Variants in PSPC1 observed in about 807,000 individuals in gnomAD.
The protein encoded by PSPC1 is paraspeckle component 1.
In PSPC1, 14 loss-of-function variants were observed where a neutral mutation model predicts 51.6. The observed-to-expected ratio is 0.27, with a 90% CI of 0.18 to 0.42. PSPC1 has a LOEUF of 0.42. PSPC1 is among the 10% of genes least tolerant of loss of function. PSPC1 has a pLI of 1.00. For synonymous variants in PSPC1, 193 were observed against 231.9 expected (o/e 0.83, Z 1.53); for missense variants, 406 against 701.1 (o/e 0.58, Z 4.75).
At chr13:19,689,014 G>A (rs1878258375) in intron 6 of PSPC1, among the ~76,000 whole-genome samples, 1 of 150,204 alleles carries the variant, frequency 6.7e-6, no homozygotes, top group Non-Finnish European at 1.5e-5. Flanking sequence ...TAGCACCCAG[G>A]CTATTTTATG....
intron 2 of PSPC1, among the ~76,000 whole-genome samples, chr13:19,764,503 A>G (rs4769903): frequency 0.8 from 121,685 of 151,718 alleles, 50,124 homozygotes; most frequent in East Asian, 0.96. Context: ...AAACAAGGTA[A>G]AATATACAGT....
downstream of PSPC1, among the ~76,000 whole-genome samples, chr13:19,698,864 T>G (rs762779651): frequency 2.6e-5 from 4 of 151,900 alleles, no homozygotes; most frequent in Non-Finnish European, 5.9e-5. Flanking sequence ...TTCAGTATCT[T>G]CAATCTGGAA....
rs1286402976 is a variant in PSPC1, at chr13:19,749,936, ATT to A, written c.967+1333_967+1334del. ...TAGTTTCTATGGTTTGCTGGGCTCG[ATT>A]TTGTTTTAACGTATGTGGCATCAGC... On this transcript the variant is annotated intron_variant, in intron 4 of 8. Transcript: ENST00000338910. Among the ~76,000 whole-genome samples, 4 of 152,192 alleles carry A rather than the reference ATT, an allele frequency of 2.6e-5. No individual in the cohort carries two copies. The East Asian group carries it at 7.7e-4, about 29-fold the overall frequency.
chr13:19,708,260 T>C (rs559527251), intron 7 of PSPC1, among the ~76,000 whole-genome samples: 6 of 152,240 alleles, frequency 3.9e-5, no homozygotes, highest in Non-Finnish European at 8.8e-5. Flanking sequence ...TGATAGACTA[T>C]ATATGCTGAG....
chr13:19,740,485 G>T (rs1885323075), intron 5 of PSPC1, among the ~76,000 whole-genome samples: 1 of 152,096 alleles, frequency 6.6e-6, no homozygotes, highest in Non-Finnish European at 1.5e-5. Context: ...CTTCAAATTT[G>T]TTCACGGTTT....
At chr13:19,739,891 T>A (rs1329733168) in intron 5 of PSPC1, among the ~76,000 whole-genome samples, 1 of 150,880 alleles carries the variant, frequency 6.6e-6, no homozygotes, top group Non-Finnish European at 1.5e-5. Flanking sequence ...ACAGTAGTTC[T>A]CAAGCTTTCA....
intron 6 of PSPC1, among the ~76,000 whole-genome samples, chr13:19,721,060 T>G (rs1191467270): frequency 6.6e-6 from 1 of 152,138 alleles, no homozygotes; most frequent in Non-Finnish European, 1.5e-5. Context: ...TTAGTTTTAG[T>G]ACAAAATTCT....
chr13:19,695,902 G>T (rs1262850863), intron 6 of PSPC1, among the ~76,000 whole-genome samples: 1 of 148,838 alleles, frequency 6.7e-6, no homozygotes. Context: ...TTTTAGAAGA[G>T]ATAAAAAAAA....
chr13:19,749,637 CTTTTT>C (rs59422281), intron 4 of PSPC1, among the ~76,000 whole-genome samples: 1 of 138,322 alleles, frequency 7.2e-6, no homozygotes, highest in Non-Finnish European at 1.5e-5. Context: ...GACAGTTTAT[CTTTTT>C]TTTTTTTTTT....
chr13:19,700,022 C>G (rs1228738864), downstream of PSPC1, among the ~76,000 whole-genome samples: 1 of 151,952 alleles, frequency 6.6e-6, no homozygotes, highest in African/African-American at 2.4e-5. Context: ...GACACTAAAT[C>G]TCAACCCTTT....
intron 2 of PSPC1, among the ~76,000 whole-genome samples, chr13:19,771,200 C>A (rs1441658015): frequency 6.6e-6 from 1 of 151,768 alleles, no homozygotes; most frequent in Non-Finnish European, 1.5e-5. Flanking sequence ...TGCAGTGGCA[C>A]AATCTGGACT....
In PSPC1 at chr13:19,730,021, A is replaced by G. The variant is rs547072484; in HGVS notation, c.1158+218T>C. ...TTTAAAGATCAACCAAAATAATAGG[A>G]AAAAATATAACATCCACTTCATAAA... On this transcript the variant is annotated intron_variant, in intron 6 of 8. Coordinates refer to ENST00000338910, the MANE Select transcript of PSPC1 (RefSeq NM_001354909.2). Among the ~76,000 whole-genome samples, 8 of 152,326 alleles carry G rather than the reference A, an allele frequency of 5.3e-5. No individual in the cohort carries two copies. The East Asian group carries it at 1.4e-3, about 26-fold the overall frequency.
At chr13:19,675,418 A>G (rs1876530942) in intron 7 of PSPC1, 2 of 152,234 alleles carry the variant, frequency 1.3e-5, no homozygotes, top group Admixed American at 6.5e-5. Context: ...ATTTACAAAT[A>G]AAAAGCCAAA....
intron 2 of PSPC1, among the ~76,000 whole-genome samples, chr13:19,770,959 TTTA>T (rs1305564549): frequency 1.3e-5 from 2 of 151,916 alleles, no homozygotes; most frequent in East Asian, 1.9e-4. Flanking sequence ...CTTTTATTAT[TTTA>T]TTATTATTTT....
intron 6 of PSPC1, among the ~76,000 whole-genome samples, chr13:19,691,920 A>C (rs1381389439): frequency 6.6e-6 from 1 of 152,162 alleles, no homozygotes; most frequent in Non-Finnish European, 1.5e-5. Flanking sequence ...CCCATCTCAA[A>C]AAAGAGAGAC....
intron 6 of PSPC1, among the ~76,000 whole-genome samples, chr13:19,683,020 A>T (rs1176399366): frequency 6.6e-6 from 1 of 152,166 alleles, no homozygotes; most frequent in Non-Finnish European, 1.5e-5. Flanking sequence ...GTGAGCTATG[A>T]TCGCACTACT....
At chr13:19,689,804 T>C (rs1403424463) in intron 6 of PSPC1, among the ~76,000 whole-genome samples, 2 of 152,228 alleles carry the variant, frequency 1.3e-5, no homozygotes, top group Non-Finnish European at 2.9e-5. Context: ...ATCTGGTCTA[T>C]TCTTAGAAAA....
intron 5 of PSPC1, among the ~76,000 whole-genome samples, chr13:19,739,806 G>A (rs1461126419): frequency 2.9e-5 from 4 of 138,698 alleles, no homozygotes; most frequent in African/African-American, 1.1e-4. Flanking sequence ...AAGGAAAAAA[G>A]AAAAGTTTTA....
At chr13:19,760,579 G>A (rs922809782) in intron 2 of PSPC1, among the ~76,000 whole-genome samples, 2 of 151,742 alleles carry the variant, frequency 1.3e-5, no homozygotes, top group Admixed American at 6.6e-5. Flanking sequence ...ACATTTCGGC[G>A]AAGTGGCTCA....
Sources: allele counts gnomAD v4.1 joint callset (sites outside exome capture counted in the v4.1 genomes callset), GRCh38; gene constraint gnomAD v4.1.1; transcripts MANE v1.5; gene names NCBI Gene and HGNC (gene_info 2026-07-23, HGNC 2026-07-21).